Variants in TACR3 observed in about 807,000 individuals in gnomAD.
TACR3 encodes tachykinin receptor 3.
In TACR3, 34 loss-of-function variants were observed where a neutral mutation model predicts 35.0. The ratio of observed to expected loss-of-function variants is 0.97; its 90% CI spans 0.74 to 1.30. The LOEUF (loss-of-function observed/expected upper bound fraction) is 1.30, where lower values mean the gene tolerates loss of function less well. TACR3 is among the 50% of genes most tolerant of loss of function. The pLI is 0.00. For missense variants in TACR3, 558 were observed against 591.7 expected, an observed-to-expected ratio of 0.94 and a Z score of 0.59; for synonymous variants, 233 against 221.1, an observed-to-expected ratio of 1.05 and a Z score of -0.48.
chr4:103,690,642 A>G (rs1033603830), intron 1 of TACR3, among the ~76,000 whole-genome samples: 5 of 152,170 alleles, frequency 3.3e-5, no homozygotes, highest in South Asian at 2.1e-4. Context: ...CCTGTAATTT[A>G]TAGAATACTC....
At position 103,591,609 on chromosome 4, in the gene TACR3, G is replaced by A; in HGVS notation, c.963C>T (p.Leu321=). 5 of 1,613,766 alleles carry A rather than the reference G, an allele frequency of 3.1e-6. No homozygotes were observed. The highest frequency in any genetic ancestry group is 4.2e-6 in the Non-Finnish European group (5 of 1,179,838). The change falls in exon 4 of 5, where the codon CTC becomes CTT. Residue 321 remains leucine, a synonymous_variant. Coordinates refer to ENST00000304883, the MANE Select transcript of TACR3 (RefSeq NM_001059.3). ...CWLPYHIYFI[L]TAIYQQLNRW... ...TATTTAGTTGTTGATAGATTGCAGT[G>A]AGAATGAAGTAAATATGATAGGGCA...
rs1485932439 is a variant in TACR3 at position 103,588,585 on chromosome 4, C to G, written c.*1097G>C. 6.6e-6 allele frequency: 1 copy of G among 151,792 alleles called. No individual in the cohort carries two copies. The highest frequency in any genetic ancestry group is 1.5e-5 in the Non-Finnish European group (1 of 67,938). The allele number at this position is 151,792 out of a possible 1,614,324, so 9.4% of individuals were successfully genotyped here. ...GTGGAAGGATGTGTGTTAAACTCACCCTCTTGCTCAGCTGTTATTAGTTTA... is the reference window on the plus strand; with the variant it reads ...GTGGAAGGATGTGTGTTAAACTCACGCTCTTGCTCAGCTGTTATTAGTTTA... On this transcript the variant is annotated 3_prime_UTR_variant, in exon 5 of 5. Transcript: ENST00000304883.
rs2110295043 is a variant in TACR3, at chr4:103,607,076, C to G, written c.889-15393G>C. 1.3e-5 allele frequency among the ~76,000 whole-genome samples: 2 copies of G among 152,104 alleles called. 1 individual carries two copies. On this transcript the variant is annotated intron_variant, in intron 3 of 4. Transcript: ENST00000304883. ...TCATCCCTGGGATGCAAGGCTGGTT[C>G]AATATACGCAAATCAATAAATGTAA...
At chr4:103,714,526 A>T (rs1347477323) in intron 1 of TACR3, among the ~76,000 whole-genome samples, 1 of 152,204 alleles carries the variant, frequency 6.6e-6, no homozygotes, top group East Asian at 1.9e-4. Flanking sequence ...AAGTTTCCTG[A>T]AAGTTAATTT....
chr4:103,647,673 G>A (rs1725491223), intron 3 of TACR3, among the ~76,000 whole-genome samples: 1 of 151,754 alleles, frequency 6.6e-6, no homozygotes, highest in Non-Finnish European at 1.5e-5. Context: ...TAAAGTATAG[G>A]GATTTTTAAG....
intron 3 of TACR3, among the ~76,000 whole-genome samples, chr4:103,648,198 A>C (rs1425465529): frequency 6.6e-6 from 1 of 152,136 alleles, no homozygotes; most frequent in East Asian, 1.9e-4. Context: ...TACATAGTAG[A>C]GGTATACATT....
chr4:103,597,506 C>A (rs1489623852), intron 3 of TACR3, among the ~76,000 whole-genome samples: 1 of 151,978 alleles, frequency 6.6e-6, no homozygotes, highest in Non-Finnish European at 1.5e-5. Flanking sequence ...GCACAACGTG[C>A]AGGTTTGTTA....
At chr4:103,717,298 T>A (rs962140362) in intron 1 of TACR3, among the ~76,000 whole-genome samples, 1 of 152,176 alleles carries the variant, frequency 6.6e-6, no homozygotes, top group African/African-American at 2.4e-5. Flanking sequence ...AGATTTTCAG[T>A]ACTCGAACTG....
intron 3 of TACR3, among the ~76,000 whole-genome samples, chr4:103,626,950 G>A (rs905884621): frequency 2.6e-5 from 4 of 151,496 alleles, no homozygotes; most frequent in South Asian, 2.1e-4. Flanking sequence ...TGAGGTGGGC[G>A]GATCACGAGG....
chr4:103,667,608 T>A (rs1463813563), intron 1 of TACR3, among the ~76,000 whole-genome samples: 1 of 152,164 alleles, frequency 6.6e-6, no homozygotes, highest in Non-Finnish European at 1.5e-5. Context: ...CCCATAAATA[T>A]GTACACCTAT....
chr4:103,660,456 G>C (rs149945438), intron 1 of TACR3, among the ~76,000 whole-genome samples: 84 of 152,010 alleles, frequency 5.5e-4, no homozygotes, highest in African/African-American at 2.0e-3. Context: ...GTATAACATA[G>C]TACCTATAGT....
intron 3 of TACR3, among the ~76,000 whole-genome samples, chr4:103,617,705 A>T (rs1453751432): frequency 6.6e-6 from 1 of 152,238 alleles, no homozygotes. Context: ...CATAAATATT[A>T]GAAGATCATA....
At chr4:103,602,843 C>A (rs907606198) in intron 3 of TACR3, among the ~76,000 whole-genome samples, 73 of 152,208 alleles carry the variant, frequency 4.8e-4, no homozygotes, top group Admixed American at 4.6e-4. Flanking sequence ...GTCAGGGAGC[C>A]ACTTAAGGAG....
At chr4:103,606,062 C>T (rs1335663546) in intron 3 of TACR3, among the ~76,000 whole-genome samples, 1 of 151,908 alleles carries the variant, frequency 6.6e-6, no homozygotes, top group Non-Finnish European at 1.5e-5. Context: ...GTTTTCCCAG[C>T]ACCATTGATT....
intron 3 of TACR3, among the ~76,000 whole-genome samples, chr4:103,626,279 C>G (rs1031743492): frequency 1.3e-5 from 2 of 152,152 alleles, no homozygotes; most frequent in Non-Finnish European, 2.9e-5. Context: ...GCTGAAATTA[C>G]TAATCTAATC....
At chr4:103,634,495 C>T (rs1027427791) in intron 3 of TACR3, among the ~76,000 whole-genome samples, 1 of 143,846 alleles carries the variant, frequency 7.0e-6, no homozygotes, top group Non-Finnish European at 1.6e-5. Context: ...GAATGCTGTT[C>T]TCTTCATGAA....
In TACR3 at chr4:103,648,847, T is replaced by C. The variant is rs188957497; in HGVS notation, c.888+7347A>G. On this transcript the variant is annotated intron_variant, in intron 3 of 4. Coordinates refer to ENST00000304883, the MANE Select transcript of TACR3 (RefSeq NM_001059.3). ...TATATGGTAGTGCTATTTTTATTTTTATTTGAGAAACTTCCAAACTGTTCT... is the reference window on the plus strand; with the variant it reads ...TATATGGTAGTGCTATTTTTATTTTCATTTGAGAAACTTCCAAACTGTTCT... 3.9e-5 allele frequency among the ~76,000 whole-genome samples: 6 copies of C among 152,204 alleles called. No homozygotes were observed. In the East Asian group the frequency reaches 1.2e-3, roughly 29 times the overall value.
intron 3 of TACR3, among the ~76,000 whole-genome samples, chr4:103,609,531 A>G (rs1298776098): frequency 6.6e-6 from 1 of 152,126 alleles, no homozygotes; most frequent in Non-Finnish European, 1.5e-5. Context: ...GTGTGTTTCA[A>G]TACATATATA....
chr4:103,719,142 G>A lies in TACR3; in HGVS notation c.534C>T (p.Ala178=), dbSNP rs747474756. ...AVFASIYSMT[A]IAVDRYMAII... is the part of the protein sequence containing the mutation. ...CCTCTCCTCACCTGTCCACCGCAAT[G>A]GCCGTCATGGAGTAGATGCTGGCGA... The change falls in exon 1 of 5, where the codon GCC becomes GCT. Residue 178 remains alanine (A), a synonymous_variant. Coordinates refer to ENST00000304883, the MANE Select transcript of TACR3 (RefSeq NM_001059.3). 22 of 1,613,988 alleles carry A rather than the reference G, an allele frequency of 1.4e-5. No homozygotes were observed. In the East Asian group the frequency reaches 4.9e-4, roughly 36 times the overall value.
Sources: allele counts gnomAD v4.1 joint callset (sites outside exome capture counted in the v4.1 genomes callset), GRCh38; gene constraint gnomAD v4.1.1; transcripts MANE v1.5; gene names NCBI Gene and HGNC (gene_info 2026-07-23, HGNC 2026-07-21).